Variants in TMPRSS11F observed in about 807,000 individuals in gnomAD.
TMPRSS11F encodes the protein transmembrane serine protease 11F.
Under a neutral mutation model 60.2 loss-of-function variants are expected in TMPRSS11F, and 47 were observed. The ratio of observed to expected loss-of-function variants is 0.78; its 90% CI spans 0.62 to 1.00. The LOEUF (loss-of-function observed/expected upper bound fraction) is 1.00, where lower values mean the gene tolerates loss of function less well. TMPRSS11F is among the 50% of genes least tolerant of loss of function. TMPRSS11F has a pLI of 0.00. For missense variants in TMPRSS11F, 519 were observed against 522.9 expected (o/e 0.99, Z 0.07); for synonymous variants, 166 against 167.3 (o/e 0.99, Z 0.06).
At chr4:68,088,219 C>CA (rs992098616) in intron 3 of TMPRSS11F, among the ~76,000 whole-genome samples, 2 of 150,808 alleles carry the variant, frequency 1.3e-5, no homozygotes, top group Non-Finnish European at 3.0e-5. Context: ...AAATGGAAAA[C>CA]AAAAAAAGGC....
At chr4:68,117,840 T>A (rs1724557685) in intron 1 of TMPRSS11F, among the ~76,000 whole-genome samples, 1 of 152,322 alleles carries the variant, frequency 6.6e-6, no homozygotes, top group South Asian at 2.1e-4. Context: ...GATACTTCCA[T>A]CTCTGTGGCT....
intron 3 of TMPRSS11F, among the ~76,000 whole-genome samples, chr4:68,075,092 C>T (rs1723556760): frequency 6.6e-6 from 1 of 152,136 alleles, no homozygotes; most frequent in Admixed American, 6.5e-5. Context: ...AATTTTGCCC[C>T]CAATTTCTAC....
chr4:68,118,768 C>A (rs1349932312), intron 1 of TMPRSS11F, among the ~76,000 whole-genome samples: 1 of 152,002 alleles, frequency 6.6e-6, no homozygotes, highest in Admixed American at 6.6e-5. Context: ...ATGAAAGGTG[C>A]TCTTATATGT....
intron 1 of TMPRSS11F, among the ~76,000 whole-genome samples, chr4:68,102,513 T>C (rs1724214345): frequency 6.6e-6 from 1 of 152,196 alleles, no homozygotes; most frequent in African/African-American, 2.4e-5. Flanking sequence ...ATAGCCATCC[T>C]AAGGAGTGTG....
intron 1 of TMPRSS11F, among the ~76,000 whole-genome samples, chr4:68,108,455 T>C (rs1269994019): frequency 6.6e-6 from 1 of 152,102 alleles, no homozygotes; most frequent in Non-Finnish European, 1.5e-5. Context: ...CTGAGACACA[T>C]TTGCAAGAAT....
intron 3 of TMPRSS11F, among the ~76,000 whole-genome samples, chr4:68,088,244 T>C (rs1723855931): frequency 6.6e-6 from 1 of 151,666 alleles, no homozygotes; most frequent in Non-Finnish European, 1.5e-5. Flanking sequence ...TTTGCAATCC[T>C]AGTCTCTGAT....
intron 6 of TMPRSS11F, 60 bp downstream of exon 6, chr4:68,069,909 A>G (rs1221164477): frequency 7.0e-7 from 1 of 1,422,174 alleles, no homozygotes. Flanking sequence ...ACTTTTCTAT[A>G]ACTTTTTTCA....
intron 8 of TMPRSS11F, chr4:68,062,550 A>T (rs1723207735): frequency 1.3e-6 from 1 of 784,778 alleles, no homozygotes; most frequent in African/African-American, 1.7e-5. Flanking sequence ...ATTCATCGTG[A>T]CTCTAGCAAC....
At chr4:68,066,710 C>A (rs1016464099) in intron 7 of TMPRSS11F, among the ~76,000 whole-genome samples, 5 of 151,688 alleles carry the variant, frequency 3.3e-5, no homozygotes, top group African/African-American at 7.3e-5. Flanking sequence ...CTGAGGCGGG[C>A]GGATCATGAG....
At chr4:68,099,117 T>A in intron 1 of TMPRSS11F, 79 bp from the exon 2 acceptor site, 1 of 1,264,806 alleles carries the variant, frequency 7.9e-7, no homozygotes, top group Non-Finnish European at 1.1e-6. Context: ...TGTTCCTCTA[T>A]GAAAATAGTT....
chr4:68,129,731 A>T, intron 1 of TMPRSS11F, 79 bp downstream of exon 1: 2 of 1,307,730 alleles, frequency 1.5e-6, no homozygotes, highest in South Asian at 2.5e-5. Context: ...CCACCAGCCA[A>T]CATCTGTACT....
chr4:68,098,922 A>G lies in TMPRSS11F; in HGVS notation c.128T>C (p.Ile43Thr), dbSNP rs1292075284. 8 of 1,612,506 alleles carry G rather than the reference A, an allele frequency of 5.0e-6. No homozygotes were observed. Among genetic ancestry groups the G allele is most frequent in the Non-Finnish European group, 6.8e-6 (8 of 1,179,292 alleles). The change falls in exon 2 of 10, where the codon ATT (isoleucine) becomes ACT (threonine). Residue 43 changes from isoleucine (I) to threonine (T), a missense_variant. Physicochemically the swap from Ile to Thr is moderately conservative, Grantham distance 89. Coordinates refer to ENST00000356291, the MANE Select transcript of TMPRSS11F (RefSeq NM_207407.2). Reference sequence around the variant, plus strand: ...AAAATGAGTAACAATACCAATTGCAATTCCTATGATTGCTACAATTGCTAA... The same window carrying G: ...AAAATGAGTAACAATACCAATTGCAGTTCCTATGATTGCTACAATTGCTAA... ...FTLAIVAIIG[I>T]AIGIVTHFVV...
At chr4:68,076,072 A>G (rs1384208133) in intron 3 of TMPRSS11F, among the ~76,000 whole-genome samples, 1 of 152,176 alleles carries the variant, frequency 6.6e-6, no homozygotes, top group East Asian at 1.9e-4. Context: ...ATTATGTTAC[A>G]GTTAACAGAC....
chr4:68,060,817 T>A (rs1723155871), intron 8 of TMPRSS11F, among the ~76,000 whole-genome samples: 1 of 151,878 alleles, frequency 6.6e-6, no homozygotes, highest in South Asian at 2.1e-4. Flanking sequence ...AAATACAGAA[T>A]TTCACGGTCT....
intron 8 of TMPRSS11F, chr4:68,062,692 C>T (rs765921755): frequency 9.3e-6 from 7 of 750,810 alleles, no homozygotes; most frequent in Non-Finnish European, 1.5e-5. Flanking sequence ...TTTTGTTATA[C>T]ACAGACAGCA....
rs556845527 is a variant in TMPRSS11F at position 68,106,071 on chromosome 4, T to G, written c.12-7033A>C. On this transcript the variant is annotated intron_variant, in intron 1 of 9. Coordinates refer to ENST00000356291, the MANE Select transcript of TMPRSS11F (RefSeq NM_207407.2). ...CATTGTTGTGACATCACATTAATGT[T>G]GTAATGAGACATAAAATAACTATCA... Among the ~76,000 whole-genome samples the G allele has an allele frequency of 6.6e-5, 10 of 152,300 alleles. No homozygotes were observed. In the South Asian group the frequency reaches 2.1e-3, roughly 32 times the overall value.
chr4:68,068,653 G>A lies in TMPRSS11F; in HGVS notation c.720C>T (p.Asn240=). Residue 240 remains asparagine (N), a synonymous_variant, in exon 7 of 10, where the codon AAC becomes AAT. Coordinates refer to ENST00000356291, the MANE Select transcript of TMPRSS11F (RefSeq NM_207407.2). ...AGTGAGCTGCTGTGAGCAGCCATGT[G>A]TTACTGATGAGGCTGGCTCCACACT... ...GHQCGASLIS[N]TWLLTAAHCF... The A allele has an allele frequency of 6.2e-7, 1 of 1,614,210 alleles. No individual in the cohort carries two copies. Among genetic ancestry groups the A allele is most frequent in the South Asian group, 1.1e-5 (1 of 91,088 alleles).
rs780223932 is a variant in TMPRSS11F at position 68,098,996 on chromosome 4, A to G, written c.54T>C (p.Tyr18=). ...AGTCCCAAAATTGCTGCTTTCTTTG[A>G]TATTCAGCTCGTGAGAATTCAGCTT... ...FSEAEFSRAE[Y]QRKQQFWDSV... is the part of the protein sequence containing the mutation. Residue 18 remains tyrosine (Y), a synonymous_variant, in exon 2 of 10, where the codon TAT becomes TAC. Coordinates refer to ENST00000356291, the MANE Select transcript of TMPRSS11F (RefSeq NM_207407.2). 1.6e-5 allele frequency: 26 copies of G among 1,613,222 alleles called. No homozygotes were observed. Among genetic ancestry groups the G allele is most frequent in the Non-Finnish European group, 2.2e-5 (26 of 1,179,600 alleles).
intron 1 of TMPRSS11F, among the ~76,000 whole-genome samples, chr4:68,124,508 C>A (rs922767231): frequency 3.3e-5 from 5 of 152,078 alleles, no homozygotes; most frequent in African/African-American, 1.2e-4. Flanking sequence ...GAAACTTCAG[C>A]CTTAAAGAAA....
Sources: allele counts gnomAD v4.1 joint callset (sites outside exome capture counted in the v4.1 genomes callset), GRCh38; gene constraint gnomAD v4.1.1; transcripts MANE v1.5; gene names NCBI Gene and HGNC (gene_info 2026-07-23, HGNC 2026-07-21).